ANKS1B: variants seen among roughly 807,000 people sequenced by gnomAD.
ANKS1B encodes the protein ankyrin repeat and sterile alpha motif domain containing 1B, also known as ankyrin repeat and sterile alpha motif domain-containing protein 1B.
A neutral mutation model predicts 148.3 loss-of-function variants in ANKS1B; 36 were observed. That is an observed-to-expected ratio of 0.24 (90% CI 0.19 to 0.32). The LOEUF is 0.32. Among genes scored for constraint, ANKS1B ranks in the 10% least tolerant of loss-of-function variants. ANKS1B has a pLI of 1.00. For synonymous variants in ANKS1B, 542 were observed against 560.8 expected, an observed-to-expected ratio of 0.97 and a Z score of 0.47; for missense variants, 1,157 against 1,542.6, an observed-to-expected ratio of 0.75 and a Z score of 4.19.
chr12:99,437,539 C>T (rs2095481762), intron 11 of ANKS1B, among the ~76,000 whole-genome samples: 1 of 151,708 alleles, frequency 6.6e-6, no homozygotes, highest in African/African-American at 2.4e-5. Context: ...CTCAAGAGCC[C>T]CCTTCTATTT....
chr12:99,424,076 T>C (rs764284068), intron 11 of ANKS1B, among the ~76,000 whole-genome samples: 1 of 152,222 alleles, frequency 6.6e-6, no homozygotes, highest in Non-Finnish European at 1.5e-5. Context: ...AAACAATTTA[T>C]TAGTCTCTCA....
chr12:99,333,839 C>T (rs904392375), intron 12 of ANKS1B, among the ~76,000 whole-genome samples: 7 of 134,036 alleles, frequency 5.2e-5, no homozygotes, highest in Admixed American at 4.4e-4. Flanking sequence ...ATCAAAGTCA[C>T]ATTTCCAGTT....
In ANKS1B at chr12:99,504,486, G is replaced by A; in HGVS notation, c.1428C>T (p.Ser476=). 6.2e-7 allele frequency: 1 copy of A among 1,612,034 alleles called. No individual in the cohort carries two copies. Among genetic ancestry groups the A allele is most frequent in the Non-Finnish European group, 8.5e-7 (1 of 1,179,284 alleles). ...PCSLEIARAP[S]PRTDNASEVA... The stretch of plus-strand genomic sequence containing the variant: ...AGTAAGAGATATTACCAGTTCTTGG[G>A]GAAGGTGCCCTTGCAATTTCTAAGG... Residue 476 remains serine (S), a synonymous_variant, in exon 10 of 27, where the codon TCC becomes TCT. Coordinates refer to ENST00000683438, the MANE Select transcript of ANKS1B (RefSeq NM_001352186.2).
intron 17 of ANKS1B, among the ~76,000 whole-genome samples, chr12:98,983,560 A>G (rs1035277357): frequency 6.6e-6 from 1 of 152,206 alleles, no homozygotes; most frequent in Non-Finnish European, 1.5e-5. Context: ...AGGGTCATCT[A>G]TAGAATTCTG....
chr12:99,469,309 AG>A (rs2096196505), intron 10 of ANKS1B, among the ~76,000 whole-genome samples: 1 of 78,054 alleles, frequency 1.3e-5, no homozygotes, highest in Non-Finnish European at 2.4e-5. Context: ...GGGAGGGGGG[AG>A]GGATAGCATT....
At chr12:99,091,522 G>A (rs2053979767) in intron 15 of ANKS1B, among the ~76,000 whole-genome samples, 1 of 152,174 alleles carries the variant, frequency 6.6e-6, no homozygotes, top group South Asian at 2.1e-4. Flanking sequence ...TTATAGCTAT[G>A]AGAGAAGGAG....
At chr12:98,853,006 A>C (rs1172729220) in intron 17 of ANKS1B, among the ~76,000 whole-genome samples, 2 of 152,186 alleles carry the variant, frequency 1.3e-5, no homozygotes, top group African/African-American at 4.8e-5. Context: ...TGATATCAAA[A>C]ATGAGAAGAA....
chr12:99,963,034 C>T (rs531024984), intron 1 of ANKS1B, among the ~76,000 whole-genome samples: 7 of 152,044 alleles, frequency 4.6e-5, no homozygotes, highest in Non-Finnish European at 8.8e-5. Context: ...AGAATGGTCT[C>T]GATCTCCTGA....
At chr12:99,787,728 G>A (rs191179456) in intron 4 of ANKS1B, among the ~76,000 whole-genome samples, 676 of 152,320 alleles carry the variant, frequency 4.4e-3, no homozygotes, top group Non-Finnish European at 7.3e-3. Context: ...GAGGAGGGTG[G>A]AAGAGAAAGT....
At chr12:99,137,363 C>G (rs1053370295) in intron 15 of ANKS1B, among the ~76,000 whole-genome samples, 1 of 152,098 alleles carries the variant, frequency 6.6e-6, no homozygotes, top group Non-Finnish European at 1.5e-5. Context: ...CAACGATTAC[C>G]CAGTCAGTCA....
At chr12:99,890,987 T>A (rs1276132435) in intron 1 of ANKS1B, among the ~76,000 whole-genome samples, 1 of 152,246 alleles carries the variant, frequency 6.6e-6, no homozygotes, top group African/African-American at 2.4e-5. Context: ...TTCTACTTTC[T>A]GCTTTTATTG....
intron 17 of ANKS1B, among the ~76,000 whole-genome samples, chr12:99,044,611 CAAGGT>C (rs2099961107): frequency 6.6e-6 from 1 of 152,084 alleles, no homozygotes; most frequent in Non-Finnish European, 1.5e-5. Flanking sequence ...TCTATGCACC[CAAGGT>C]AAGTTCTGGC....
At position 99,716,291 on chromosome 12, in the gene ANKS1B, C is replaced by T. The variant is rs966187542; in HGVS notation, c.1128+56631G>A. Among the ~76,000 whole-genome samples, 13 of 148,240 alleles carry T rather than the reference C, an allele frequency of 8.8e-5. No individual in the cohort carries two copies. The East Asian group carries it at 1.9e-3, about 22-fold the overall frequency. ...GCCCCGATCCCTTATTTCCACACCC[C>T]GACCTCTTATCTCTGCACCCCAACC... is the stretch of plus-strand genomic sequence containing the variant. On this transcript the variant is annotated intron_variant, in intron 8 of 26. Transcript: ENST00000683438.
At chr12:99,831,341 G>C (rs1006582531) in intron 1 of ANKS1B, among the ~76,000 whole-genome samples, 1 of 152,008 alleles carries the variant, frequency 6.6e-6, no homozygotes, top group African/African-American at 2.4e-5. Context: ...TAAGCTGGTG[G>C]TGAAAATGTA....
At chr12:99,105,785 A>AAC (rs1245544847) in intron 15 of ANKS1B, among the ~76,000 whole-genome samples, 5 of 151,788 alleles carry the variant, frequency 3.3e-5, no homozygotes, top group African/African-American at 1.2e-4. Context: ...AAAAAAAAAA[A>AAC]AAAACTAAAA....
chr12:99,470,624 C>CT (rs1567167599), intron 10 of ANKS1B, among the ~76,000 whole-genome samples: 1 of 152,140 alleles, frequency 6.6e-6, no homozygotes, highest in Non-Finnish European at 1.5e-5. Flanking sequence ...TATATGCCCA[C>CT]TGCAGCATGT....
At chr12:99,897,040 T>C (rs2093411313) in intron 1 of ANKS1B, among the ~76,000 whole-genome samples, 1 of 151,350 alleles carries the variant, frequency 6.6e-6, no homozygotes, top group Non-Finnish European at 1.5e-5. Context: ...TTATTTACTT[T>C]TCTCTTAAAA....
intron 17 of ANKS1B, among the ~76,000 whole-genome samples, chr12:98,858,258 G>GAAA (rs780258575): frequency 6.6e-6 from 1 of 152,168 alleles, no homozygotes; most frequent in African/African-American, 2.4e-5. Flanking sequence ...TTGAGTCAAT[G>GAAA]AAAAAATCAT....
intron 1 of ANKS1B, among the ~76,000 whole-genome samples, chr12:99,860,180 A>G (rs928753418): frequency 1.3e-5 from 2 of 152,232 alleles, no homozygotes; most frequent in Non-Finnish European, 2.9e-5. Flanking sequence ...TATTTAGGAC[A>G]CAGTGAAGAC....
Sources: gnomAD v4.1 joint callset for allele counts (sites outside exome capture counted in the v4.1 genomes callset) on GRCh38, gnomAD v4.1.1 for gene constraint, MANE v1.5 for transcripts, NCBI Gene and HGNC (gene_info 2026-07-23, HGNC 2026-07-21) for gene names.